RANBP17: variants seen among roughly 807,000 people sequenced by gnomAD.
RANBP17 encodes the protein RAN binding protein 17.
RANBP17 carries 158 observed loss-of-function variants against 141.2 expected under a neutral mutation model. The ratio of observed to expected loss-of-function variants is 1.12; its 90% CI spans 0.98 to 1.28. The LOEUF is 1.28. RANBP17 is among the 50% of genes most tolerant of loss of function. The pLI, the probability that RANBP17 is intolerant of heterozygous loss-of-function variation, is 0.00. For missense variants in RANBP17, 1,438 were observed against 1,290.7 expected (o/e 1.11, Z -1.75); for synonymous variants, 430 against 450.0 (o/e 0.96, Z 0.56).
chr5:171,080,063 CACTCATGCCTGGAAGAAA>C (rs1785169806), intron 14 of RANBP17, among the ~76,000 whole-genome samples: 1 of 152,018 alleles, frequency 6.6e-6, no homozygotes, highest in Non-Finnish European at 1.5e-5. Flanking sequence ...CCTTCGGATC[CACTCATGCCTGGAAGAAA>C]ACCTGTCAGT....
intron 5 of RANBP17, among the ~76,000 whole-genome samples, chr5:170,899,280 C>T (rs935355509): frequency 6.6e-6 from 1 of 152,078 alleles, no homozygotes; most frequent in African/African-American, 2.4e-5. Flanking sequence ...CTCTTTGTAT[C>T]AATTGTGAAT....
intron 12 of RANBP17, among the ~76,000 whole-genome samples, chr5:170,946,476 G>A (rs1774770984): frequency 6.6e-6 from 1 of 152,036 alleles, no homozygotes; most frequent in Admixed American, 6.6e-5. Flanking sequence ...TGTTAATAGC[G>A]ACCTCTGTAA....
At chr5:171,266,899 C>T (rs1188178487) in intron 25 of RANBP17, among the ~76,000 whole-genome samples, 1 of 150,332 alleles carries the variant, frequency 6.7e-6, no homozygotes, top group Non-Finnish European at 1.5e-5. Context: ...GATGACAGAG[C>T]AAGACTCCAT....
chr5:171,291,052 C>T (rs1192647601), intron 25 of RANBP17, among the ~76,000 whole-genome samples: 1 of 152,182 alleles, frequency 6.6e-6, no homozygotes, highest in Non-Finnish European at 1.5e-5. Flanking sequence ...GATTGGGGCT[C>T]CATTCTGATT....
intron 14 of RANBP17, among the ~76,000 whole-genome samples, chr5:171,070,162 A>G (rs1784551701): frequency 6.6e-6 from 1 of 152,182 alleles, no homozygotes; most frequent in African/African-American, 2.4e-5. Context: ...CCAAACTTCA[A>G]TAGGACAGAT....
chr5:171,048,733 T>A (rs1561591036), intron 14 of RANBP17, among the ~76,000 whole-genome samples: 1 of 152,226 alleles, frequency 6.6e-6, no homozygotes, highest in Non-Finnish European at 1.5e-5. Flanking sequence ...CATGTGGCAT[T>A]TGATTTTCTG....
At position 170,892,527 on chromosome 5, in the gene RANBP17, A is replaced by G; in HGVS notation, c.397A>G (p.Ile133Val). Residue 133 changes from isoleucine to valine, a missense_variant, in exon 4 of 28, where the codon ATT becomes GTT. Ile to Val is a conservative substitution (Grantham distance 29). Transcript: ENST00000523189. Reference sequence around the variant, plus strand: ...AGACCAATTTGTCTTCAGAGAAATTATTGCTGATGTGAAGAAGTTTCTCCA... The same window carrying G: ...AGACCAATTTGTCTTCAGAGAAATTGTTGCTGATGTGAAGAAGTTTCTCCA... Reference protein sequence around the residue: ...QKDQFVFREIIADVKKFLQGT... With the variant: ...QKDQFVFREIVADVKKFLQGT... 1 of 1,613,796 alleles carries G rather than the reference A, an allele frequency of 6.2e-7. No individual in the cohort carries two copies.
intron 6 of RANBP17, 54 bp from the exon 7 acceptor site, chr5:170,910,915 G>A: frequency 1.3e-6 from 2 of 1,525,026 alleles, no homozygotes; most frequent in Non-Finnish European, 1.8e-6. Context: ...TTCATGAAGT[G>A]TAAATTTATT....
At chr5:170,905,596 T>C (rs764505379) in intron 5 of RANBP17, among the ~76,000 whole-genome samples, 3 of 152,122 alleles carry the variant, frequency 2.0e-5, no homozygotes, top group Non-Finnish European at 2.9e-5. Context: ...CCAGAGTATA[T>C]GCTGTGTGTT....
chr5:171,219,341 A>T (rs373793478), intron 21 of RANBP17, among the ~76,000 whole-genome samples: 1 of 151,946 alleles, frequency 6.6e-6, no homozygotes, highest in African/African-American at 2.4e-5. Context: ...CTTCGTTTCA[A>T]CCTTGGAGAA....
intron 25 of RANBP17, among the ~76,000 whole-genome samples, chr5:171,290,159 G>A (rs190441470): frequency 1.3e-5 from 2 of 152,044 alleles, no homozygotes; most frequent in East Asian, 3.9e-4. Context: ...ACGAGGTCAG[G>A]AGTTCGAGAC....
chr5:171,267,026 CTT>C (rs35762251), intron 25 of RANBP17, among the ~76,000 whole-genome samples: 2 of 114,590 alleles, frequency 1.7e-5, no homozygotes, highest in Middle Eastern at 4.2e-3. Flanking sequence ...ATTTTCTTTT[CTT>C]TTTTTTTTTT....
At chr5:170,991,298 T>A (rs1778491044) in intron 14 of RANBP17, among the ~76,000 whole-genome samples, 1 of 152,016 alleles carries the variant, frequency 6.6e-6, no homozygotes. Flanking sequence ...CATTTAAGTT[T>A]ATCAGTTAGG....
chr5:171,185,751 G>A (rs368645545), intron 18 of RANBP17, among the ~76,000 whole-genome samples: 1 of 152,210 alleles, frequency 6.6e-6, no homozygotes, highest in Non-Finnish European at 1.5e-5. Flanking sequence ...TCGTCCATGA[G>A]AGTTGGAATC....
At chr5:171,016,786 T>C (rs1780462874) in intron 14 of RANBP17, among the ~76,000 whole-genome samples, 1 of 151,970 alleles carries the variant, frequency 6.6e-6, no homozygotes, top group Admixed American at 6.6e-5. Flanking sequence ...TTTTATGTCT[T>C]CTTTAAAAAA....
At chr5:171,280,799 AAT>A (rs1305786371) in intron 25 of RANBP17, among the ~76,000 whole-genome samples, 2 of 152,226 alleles carry the variant, frequency 1.3e-5, no homozygotes, top group African/African-American at 4.8e-5. Flanking sequence ...CGCTTAGAAG[AAT>A]ATAGACTGAG....
chr5:171,291,831 AT>A (rs2128044051), intron 25 of RANBP17, among the ~76,000 whole-genome samples: 1 of 152,342 alleles, frequency 6.6e-6, no homozygotes, highest in South Asian at 2.1e-4. Context: ...AGAAAAAAAA[AT>A]CACCCATTTT....
intron 14 of RANBP17, among the ~76,000 whole-genome samples, chr5:171,003,806 C>G (rs11739295): frequency 0.67 from 101,930 of 151,954 alleles, 34,448 homozygotes; most frequent in South Asian, 0.89. Context: ...TGGGTGTCAG[C>G]GTCAGGCCAG....
rs141289901 is a variant in RANBP17, at chr5:171,298,797, T to G, written c.3206T>G (p.Val1069Gly). The change falls in exon 28 of 28, where the codon GTG becomes GGG. Residue 1069 changes from valine to glycine, a missense_variant. Coordinates refer to ENST00000523189, the MANE Select transcript of RANBP17 (RefSeq NM_022897.5). Reference protein sequence around the residue: ...TQNLSVFRRDVAEALRSDGNT... With the variant: ...TQNLSVFRRDGAEALRSDGNT... ...AATCTGTCTGTATTCAGAAGAGATGTGGCAGAGGCGTTGCGCAGTGATGGC... is the reference window on the plus strand; with the variant it reads ...AATCTGTCTGTATTCAGAAGAGATGGGGCAGAGGCGTTGCGCAGTGATGGC... 7.2e-3 allele frequency: 11,661 copies of G among 1,614,176 alleles called. 48 individuals carry two copies. Among genetic ancestry groups the G allele is most frequent in the Non-Finnish European group, 8.4e-3 (9,932 of 1,179,990 alleles).
Sources: allele counts gnomAD v4.1 joint callset (sites outside exome capture counted in the v4.1 genomes callset), GRCh38; gene constraint gnomAD v4.1.1; transcripts MANE v1.5; gene names NCBI Gene and HGNC (gene_info 2026-07-23, HGNC 2026-07-21).